The following LUZP2 variants were observed in gnomAD, a reference collection of about 807,000 sequenced individuals.
The protein encoded by LUZP2 is leucine zipper protein 2.
A neutral mutation model predicts 51.6 loss-of-function variants in LUZP2; 52 were observed. That is an observed-to-expected ratio of 1.01 (90% CI 0.81 to 1.27). The LOEUF is 1.27. Ranked by LOEUF, LUZP2 falls within the 50% of genes most tolerant of loss-of-function variation. The probability of loss-of-function intolerance (pLI) is 0.00; values close to 1 mark genes in which losing one functional copy is unlikely to be tolerated. For synonymous variants in LUZP2, 154 were observed against 137.3 expected, an observed-to-expected ratio of 1.12 and a Z score of -0.85; for missense variants, 436 against 395.4, an observed-to-expected ratio of 1.10 and a Z score of -0.87.
At chr11:24,920,809 G>A (rs908985317) in intron 7 of LUZP2, among the ~76,000 whole-genome samples, 8 of 151,972 alleles carry the variant, frequency 5.3e-5, no homozygotes, top group African/African-American at 1.9e-4. Context: ...GGGGAAGGAA[G>A]GTACTGGAAG....
chr11:25,001,704 A>T (rs1323445642), intron 9 of LUZP2, among the ~76,000 whole-genome samples: 1 of 151,704 alleles, frequency 6.6e-6, no homozygotes, highest in African/African-American at 2.4e-5. Flanking sequence ...TTTCTCTTTG[A>T]CTTCATCTTT....
At chr11:24,598,697 A>G (rs1404282944) in intron 1 of LUZP2, among the ~76,000 whole-genome samples, 1 of 152,210 alleles carries the variant, frequency 6.6e-6, no homozygotes, top group African/African-American at 2.4e-5. Context: ...TTATTATGCC[A>G]TCTTCAAAAA....
chr11:24,991,685 A>G (rs975001604), intron 9 of LUZP2, among the ~76,000 whole-genome samples: 6 of 152,002 alleles, frequency 3.9e-5, no homozygotes. Flanking sequence ...CATTCCCGCC[A>G]GCAGTGTAGT....
chr11:24,884,912 C>T (rs575077071), intron 5 of LUZP2, among the ~76,000 whole-genome samples: 2 of 152,102 alleles, frequency 1.3e-5, no homozygotes, highest in African/African-American at 4.8e-5. Flanking sequence ...GTATTTTTCT[C>T]ACAAAATTGA....
At chr11:24,782,012 G>T (rs1038448251) in intron 5 of LUZP2, among the ~76,000 whole-genome samples, 4 of 152,032 alleles carry the variant, frequency 2.6e-5, no homozygotes, top group Admixed American at 2.0e-4. Flanking sequence ...CTTGTCAAAT[G>T]CTGCTGAATG....
intron 1 of LUZP2, among the ~76,000 whole-genome samples, chr11:24,582,985 T>C (rs1212210434): frequency 1.3e-5 from 2 of 152,154 alleles, no homozygotes; most frequent in Admixed American, 6.6e-5. Flanking sequence ...GCAAACGATA[T>C]GCAGTCATTT....
intron 9 of LUZP2, among the ~76,000 whole-genome samples, chr11:25,040,552 T>C (rs1858023180): frequency 6.6e-6 from 1 of 152,132 alleles, no homozygotes; most frequent in African/African-American, 2.4e-5. Context: ...ATTAGCTGTA[T>C]AATCCAAACG....
At position 24,837,408 on chromosome 11, in the gene LUZP2, G is replaced by A. The variant is rs116306583; in HGVS notation, c.397-68583G>A. ...CAATTTTTTTTTTCACTGATCGTCT[G>A]AGCCCTCAAGAAGCTGCAGAATGCT... On this transcript the variant is annotated intron_variant, in intron 5 of 11. Coordinates refer to ENST00000336930, the MANE Select transcript of LUZP2 (RefSeq NM_001009909.4). 6.1e-3 allele frequency among the ~76,000 whole-genome samples: 922 copies of A among 151,562 alleles called. 11 individuals are homozygous for A. Among genetic ancestry groups the A allele is most frequent in the African/African-American group, 0.022 (896 of 41,456 alleles).
At chr11:24,607,493 T>A (rs529885494) in intron 1 of LUZP2, among the ~76,000 whole-genome samples, 6 of 152,138 alleles carry the variant, frequency 3.9e-5, no homozygotes, top group Admixed American at 6.5e-5. Flanking sequence ...GACTTTTTTT[T>A]ATATTCCATT....
At chr11:24,685,210 C>A (rs1856862402) in intron 1 of LUZP2, among the ~76,000 whole-genome samples, 1 of 152,102 alleles carries the variant, frequency 6.6e-6, no homozygotes, top group African/African-American at 2.4e-5. Flanking sequence ...CCAAAGCCAA[C>A]TTTCTTACCA....
intron 5 of LUZP2, among the ~76,000 whole-genome samples, chr11:24,814,999 AAAAAAAAT>A (rs1284020792): frequency 6.9e-6 from 1 of 144,436 alleles, no homozygotes; most frequent in Admixed American, 7.0e-5. Flanking sequence ...CTCAAAAAAA[AAAAAAAAT>A]AAAAATAATC....
intron 5 of LUZP2, among the ~76,000 whole-genome samples, chr11:24,896,653 C>A (rs1198263851): frequency 6.6e-6 from 1 of 152,234 alleles, no homozygotes; most frequent in Non-Finnish European, 1.5e-5. Context: ...TGCCTGGTCC[C>A]ATGGACCGCC....
intron 1 of LUZP2, among the ~76,000 whole-genome samples, chr11:24,525,365 T>G (rs73429164): frequency 0.016 from 2,483 of 151,780 alleles, 75 homozygotes; most frequent in African/African-American, 0.058. Flanking sequence ...CAGGCTTACT[T>G]GATAACTCTA....
intron 5 of LUZP2, among the ~76,000 whole-genome samples, chr11:24,836,637 C>T (rs562445920): frequency 8.6e-5 from 13 of 151,828 alleles, no homozygotes; most frequent in African/African-American, 2.7e-4. Flanking sequence ...AGATACATCA[C>T]AATAGCCAAA....
chr11:24,707,770 C>G (rs145052746), intron 1 of LUZP2, among the ~76,000 whole-genome samples: 1 of 152,072 alleles, frequency 6.6e-6, no homozygotes, highest in Non-Finnish European at 1.5e-5. Flanking sequence ...TATAAAGTTT[C>G]GGTACCGCAA....
At chr11:24,727,738 G>T (rs1858532978) in intron 1 of LUZP2, among the ~76,000 whole-genome samples, 1 of 151,992 alleles carries the variant, frequency 6.6e-6, no homozygotes, top group Non-Finnish European at 1.5e-5. Context: ...CTGTTCATCA[G>T]TGAAATTCAC....
At chr11:24,572,390 CT>C (rs1035846387) in intron 1 of LUZP2, among the ~76,000 whole-genome samples, 7 of 151,092 alleles carry the variant, frequency 4.6e-5, no homozygotes, top group Admixed American at 6.6e-5. Context: ...AGTTTATATA[CT>C]TTTTTTTTGA....
intron 4 of LUZP2, among the ~76,000 whole-genome samples, chr11:24,761,443 AT>A (rs1859976058): frequency 6.6e-6 from 1 of 152,192 alleles, no homozygotes; most frequent in South Asian, 2.1e-4. Context: ...TAAGGATTAC[AT>A]TTCAACATGA....
At chr11:24,638,190 A>C (rs907276361) in intron 1 of LUZP2, among the ~76,000 whole-genome samples, 3 of 151,878 alleles carry the variant, frequency 2.0e-5, no homozygotes, top group Admixed American at 1.3e-4. Flanking sequence ...TAAAAGATAG[A>C]TGTCTAATAT....
Sources: gnomAD v4.1 joint callset for allele counts (sites outside exome capture counted in the v4.1 genomes callset) on GRCh38, gnomAD v4.1.1 for gene constraint, MANE v1.5 for transcripts, NCBI Gene and HGNC (gene_info 2026-07-23, HGNC 2026-07-21) for gene names.